TPH1: variants seen among roughly 807,000 people sequenced by gnomAD.
The protein encoded by TPH1 is tryptophan hydroxylase 1.
TPH1 carries 37 observed loss-of-function variants against 49.5 expected under a neutral mutation model. The ratio of observed to expected loss-of-function variants is 0.75; its 90% confidence interval spans 0.58 to 0.98. TPH1 has a LOEUF of 0.98. TPH1 is among the 50% of genes least tolerant of loss of function. The pLI is 0.00. For missense variants in TPH1, 487 were observed against 523.6 expected, an observed-to-expected ratio of 0.93 and a Z score of 0.68; for synonymous variants, 160 against 182.1, an observed-to-expected ratio of 0.88 and a Z score of 0.98.
At position 18,034,657 on chromosome 11, in the gene TPH1, G is replaced by A. The variant is rs182362370; in HGVS notation, c.302-1283C>T. Among the ~76,000 whole-genome samples the A allele has an allele frequency of 3.5e-3, 529 of 152,278 alleles. 4 individuals are homozygous for A. The highest frequency in any genetic ancestry group is 5.0e-3 in the Non-Finnish European group (340 of 68,020). On this transcript the variant is annotated intron_variant, in intron 3 of 10. Transcript: ENST00000682019. ...ACGAACACATAGCAGATGAATAGCAGTCCTGATTACACCTCAAATATTGTG... is the reference window on the plus strand; with the variant it reads ...ACGAACACATAGCAGATGAATAGCAATCCTGATTACACCTCAAATATTGTG...
chr11:18,033,504 C>T (rs1848013248), intron 3 of TPH1, 130 bp from the exon 4 acceptor site: 1 of 726,740 alleles, frequency 1.4e-6, no homozygotes, highest in Non-Finnish European at 2.3e-6. Context: ...TACATCAAGG[C>T]AAGATTTATA....
At chr11:18,043,139 A>G (rs532328709) in intron 1 of TPH1, among the ~76,000 whole-genome samples, 65 of 152,296 alleles carry the variant, frequency 4.3e-4, no homozygotes, top group Non-Finnish European at 7.5e-4. Context: ...CTGGCCAACC[A>G]CTAGCTTCAT....
chr11:18,045,648 A>T (rs373660939), intron 1 of TPH1, among the ~76,000 whole-genome samples: 173 of 152,230 alleles, frequency 1.1e-3, no homozygotes, highest in African/African-American at 3.9e-3. Context: ...CTCTTAACTG[A>T]CTCTAAACCG....
rs1280641432 is a variant in TPH1 at position 18,018,791 on chromosome 11, ACAT to A, written c.*2197_*2199del. 1 of 151,554 alleles carries A rather than the reference ACAT, an allele frequency of 6.6e-6. No homozygotes were observed. The highest frequency in any genetic ancestry group is 1.5e-5 in the Non-Finnish European group (1 of 67,904). The allele number at this position is 151,554 out of a possible 1,614,324, so 9.4% of individuals were successfully genotyped here. A position where few individuals can be genotyped will look rare whatever the true frequency, so the allele number is the denominator to read the frequency against. ...TGCTTTAGTCATAGAGTGATTTTAA[ACAT>A]CATCATTTTAAAATTCAATAAGTAT... On this transcript the variant is annotated 3_prime_UTR_variant, in exon 11 of 11. Coordinates refer to ENST00000682019, the MANE Select transcript of TPH1 (RefSeq NM_004179.3).
Position 18,040,741 on chromosome 11 carries a change from TCTC to T in TPH1, c.19_21del (p.Glu7del). On this transcript the variant is annotated inframe_deletion, in exon 2 of 11. Coordinates refer to ENST00000682019, the MANE Select transcript of TPH1 (RefSeq NM_004179.3). Reference sequence around the variant, plus strand: ...CCCCTTTCTAAGGAATGGTCTTTGTTCTCCTTATTGTCTTCAATCATGATGAAT... The same window carrying T: ...CCCCTTTCTAAGGAATGGTCTTTGTTCTTATTGTCTTCAATCATGATGAAT... 6.2e-7 allele frequency: 1 copy of T among 1,612,302 alleles called. No homozygotes were observed. Among genetic ancestry groups the T allele is most frequent in the South Asian group, 1.1e-5 (1 of 90,980 alleles).
In TPH1 at chr11:18,026,629, C is replaced by T; in HGVS notation, c.668-4G>A. On this transcript the variant is annotated splice_polypyrimidine_tract_variant and splice_region_variant and intron_variant, in intron 6 of 10. Transcript: ENST00000682019. ...CGGATGGAAAAACCTGTACGCTCTGCAAAGCAAAGGAGAAAACAAAGAAAA... is the reference window on the plus strand; with the variant it reads ...CGGATGGAAAAACCTGTACGCTCTGTAAAGCAAAGGAGAAAACAAAGAAAA... 6.2e-7 allele frequency: 1 copy of T among 1,613,910 alleles called. No individual in the cohort carries two copies. The highest frequency in any genetic ancestry group is 8.5e-7 in the Non-Finnish European group (1 of 1,179,914).
intron 8 of TPH1, 27 bp downstream of exon 8, chr11:18,025,548 A>G: frequency 6.2e-7 from 1 of 1,613,490 alleles, no homozygotes; most frequent in Non-Finnish European, 8.5e-7. Context: ...ACCCCAGGTG[A>G]AAATATAGCT....
rs1344492481 is a variant in TPH1, at chr11:18,019,574, A to C, written c.*1417T>G. 8.9e-6 allele frequency: 4 copies of C among 449,642 alleles called. No individual in the cohort carries two copies. Among genetic ancestry groups the C allele is most frequent in the Non-Finnish European group, 4.5e-6 (1 of 224,158 alleles). 27.9% of individuals were successfully genotyped at this position (449,642 alleles called of 1,614,324 possible). A position where few individuals can be genotyped will look rare whatever the true frequency, so the allele number is the denominator to read the frequency against. On this transcript the variant is annotated 3_prime_UTR_variant, in exon 11 of 11. Transcript: ENST00000682019. ...GACATCCAGGAGTTCGTTGGAATTA[A>C]GGGGCAAAAAAATTCAAGAAAGATG... is the stretch of plus-strand genomic sequence containing the variant.
chr11:18,023,936 CT>C lies in TPH1; in HGVS notation c.977del (p.Gln326ArgfsTer2). On this transcript the variant is annotated frameshift_variant, in exon 9 of 11. Coordinates refer to ENST00000682019, the MANE Select transcript of TPH1 (RefSeq NM_004179.3). LOFTEE classifies it high-confidence loss of function. ...VEFGLCKQDG[Q>X]LRVFGAGLLS... Reference sequence around the variant, plus strand: ...GTAAGCCAGCACCAAAGACTCTTAGCTGTCCATCTTGTTTACATAGACCAAA... The same window carrying C: ...GTAAGCCAGCACCAAAGACTCTTAGCGTCCATCTTGTTTACATAGACCAAA... 1 of 1,613,530 alleles carries C rather than the reference CT, an allele frequency of 6.2e-7. No homozygotes were observed. Among genetic ancestry groups the C allele is most frequent in the Non-Finnish European group, 8.5e-7 (1 of 1,179,738 alleles).
intron 2 of TPH1, among the ~76,000 whole-genome samples, chr11:18,036,624 CCAGATCTCCTCT>C (rs1401662862): frequency 6.6e-6 from 1 of 152,142 alleles, no homozygotes; most frequent in East Asian, 1.9e-4. Context: ...AACAGCTGAA[CCAGATCTCCTCT>C]TCTGACCTCT....
rs1211221669 is a variant in TPH1 at position 18,029,151 on chromosome 11, A to C, written c.667+14T>G. On this transcript the variant is annotated intron_variant, in intron 6 of 10. Transcript: ENST00000682019. ...TTCAGCAACTCCCTTACAAAAAATT[A>C]ATTAGCTTATTACCTTTTAAAAAGT... 5 of 1,587,912 alleles carry C rather than the reference A, an allele frequency of 3.1e-6. No homozygotes were observed. The highest frequency in any genetic ancestry group is 4.3e-6 in the Non-Finnish European group (5 of 1,156,716).
chr11:18,033,424 A>T (rs749078965), intron 3 of TPH1, 50 bp from the exon 4 acceptor site: 2 of 1,344,576 alleles, frequency 1.5e-6, no homozygotes, highest in Admixed American at 3.4e-5. Flanking sequence ...AGTTGAAGAG[A>T]TAATCTTAAA....
chr11:18,034,543 T>C (rs901350853), intron 3 of TPH1, among the ~76,000 whole-genome samples: 3 of 152,158 alleles, frequency 2.0e-5, no homozygotes, highest in African/African-American at 7.2e-5. Context: ...GCTTCAGGCA[T>C]GGTGAGGAGC....
chr11:18,034,323 A>T (rs762949664), intron 3 of TPH1, among the ~76,000 whole-genome samples: 1 of 152,232 alleles, frequency 6.6e-6, no homozygotes, highest in African/African-American at 2.4e-5. Context: ...AGAGGACTAG[A>T]ACTCAGCTCT....
At chr11:18,032,403 A>C (rs913364188) in intron 4 of TPH1, among the ~76,000 whole-genome samples, 1 of 152,050 alleles carries the variant, frequency 6.6e-6, no homozygotes, top group African/African-American at 2.4e-5. Context: ...GTTTTAGTAT[A>C]ACCTTTTGAA....
intron 5 of TPH1, 73 bp downstream of exon 5, chr11:18,029,439 A>C: frequency 6.4e-7 from 1 of 1,557,024 alleles, no homozygotes; most frequent in Non-Finnish European, 8.9e-7. Context: ...TCTACTTACC[A>C]AATGAACACA....
Position 18,017,841 on chromosome 11 carries a change from G to A in TPH1, c.*3150C>T, listed in dbSNP as rs776484218. ...CCAAATGACAGAATATGTAGATAAA[G>A]AAATGTAGGTATTCTGAAGACCAGC... is the stretch of plus-strand genomic sequence containing the variant. On this transcript the variant is annotated 3_prime_UTR_variant, in exon 11 of 11. Coordinates refer to ENST00000682019, the MANE Select transcript of TPH1 (RefSeq NM_004179.3). 1 of 152,208 alleles carries A rather than the reference G, an allele frequency of 6.6e-6. No individual in the cohort carries two copies. The highest frequency in any genetic ancestry group is 1.5e-5 in the Non-Finnish European group (1 of 68,038). 9.4% of individuals were successfully genotyped at this position (152,208 alleles called of 1,614,324 possible).
At chr11:18,025,168 T>C (rs1847915890) in intron 8 of TPH1, among the ~76,000 whole-genome samples, 1 of 152,214 alleles carries the variant, frequency 6.6e-6, no homozygotes, top group Non-Finnish European at 1.5e-5. Context: ...TAAGGAAACC[T>C]ATCCTTTTTA....
chr11:18,035,579 C>T (rs1409759199), intron 3 of TPH1, among the ~76,000 whole-genome samples: 1 of 151,928 alleles, frequency 6.6e-6, no homozygotes, highest in Non-Finnish European at 1.5e-5. Context: ...TAGATGCATG[C>T]CACCACACCT....
Sources: gnomAD v4.1 joint callset for allele counts (sites outside exome capture counted in the v4.1 genomes callset) on GRCh38, gnomAD v4.1.1 for gene constraint, MANE v1.5 for transcripts, NCBI Gene and HGNC (gene_info 2026-07-23, HGNC 2026-07-21) for gene names.